Variants in KAT6A observed in about 807,000 individuals in gnomAD.
KAT6A encodes histone acetyltransferase KAT6A.
KAT6A carries 9 observed loss-of-function variants against 198.4 expected under a neutral mutation model. The ratio of observed to expected loss-of-function variants is 0.05; its 90% CI spans 0.03 to 0.08. The LOEUF (loss-of-function observed/expected upper bound fraction) is 0.08. KAT6A is among the 10% of genes least tolerant of loss of function. KAT6A has a pLI of 1.00. For missense variants in KAT6A, 2,077 were observed against 2,509.9 expected (o/e 0.83, Z 3.69); for synonymous variants, 890 against 883.0 (o/e 1.01, Z -0.14).
chr8:42,038,911 A>G (rs1205346079), intron 2 of KAT6A, among the ~76,000 whole-genome samples: 1 of 152,192 alleles, frequency 6.6e-6, no homozygotes, highest in Non-Finnish European at 1.5e-5. Context: ...CTCTATGCTT[A>G]ATTTCAACTC....
chr8:42,011,572 T>C (rs1354893387), intron 2 of KAT6A, among the ~76,000 whole-genome samples: 2 of 152,046 alleles, frequency 1.3e-5, no homozygotes, highest in Non-Finnish European at 2.9e-5. Context: ...ACCCCGTCTC[T>C]ACTAAAAACA....
At chr8:41,956,559 C>A (rs1326709385) in intron 8 of KAT6A, among the ~76,000 whole-genome samples, 1 of 152,170 alleles carries the variant, frequency 6.6e-6, no homozygotes, top group Non-Finnish European at 1.5e-5. Context: ...GAAGCCTCTT[C>A]ACCATAACTC....
chr8:42,027,241 T>G (rs942595525), intron 2 of KAT6A, among the ~76,000 whole-genome samples: 3 of 152,140 alleles, frequency 2.0e-5, no homozygotes, highest in Non-Finnish European at 2.9e-5. Context: ...GTAGTTTTCT[T>G]TTGTTGTTGT....
chr8:41,987,327 T>A (rs1587787567), intron 3 of KAT6A, 128 bp downstream of exon 3: 1 of 635,744 alleles, frequency 1.6e-6, no homozygotes, highest in Non-Finnish European at 2.8e-6. Flanking sequence ...TCAGAACTTA[T>A]CCCCCATAAT....
In KAT6A at chr8:41,933,483, C is replaced by A; in HGVS notation, c.4737G>T (p.Gly1579=). The stretch of plus-strand genomic sequence containing the variant: ...AGCAGCTGCTCTGGGAAGAGCTGTT[C>A]CCACAGATGCTGCCGCCCATCGTGG... ...YDSTMGGSIC[G]NSSSQSSCSY... The change falls in exon 17 of 17, where the codon GGG becomes GGT. Residue 1579 remains glycine, a synonymous_variant. Transcript: ENST00000265713. The surrounding 1 kb of genome is among the most constrained non-coding windows in gnomAD (Gnocchi z 6.2). The A allele has an allele frequency of 5.6e-6, 9 of 1,613,406 alleles. No homozygotes were observed. Among genetic ancestry groups the A allele is most frequent in the Non-Finnish European group, 7.6e-6 (9 of 1,179,564 alleles).
At chr8:42,025,848 GCTTT>G (rs1256735852) in intron 2 of KAT6A, among the ~76,000 whole-genome samples, 1 of 152,068 alleles carries the variant, frequency 6.6e-6, no homozygotes, top group African/African-American at 2.4e-5. Context: ...ATGTCCTTAA[GCTTT>G]CTTGTTTTCT....
At chr8:42,018,388 G>A (rs1826368881) in intron 2 of KAT6A, among the ~76,000 whole-genome samples, 1 of 152,142 alleles carries the variant, frequency 6.6e-6, no homozygotes, top group African/African-American at 2.4e-5. Flanking sequence ...GCACATGCCT[G>A]TTAATTCCAG....
chr8:42,022,825 T>C (rs922102657), intron 2 of KAT6A, among the ~76,000 whole-genome samples: 2 of 152,206 alleles, frequency 1.3e-5, no homozygotes, highest in African/African-American at 4.8e-5. Context: ...TATAAAAATG[T>C]ATAAATTATG....
At chr8:41,955,118 C>T (rs1822861192) in intron 9 of KAT6A, among the ~76,000 whole-genome samples, 178 bp downstream of exon 9, 1 of 152,100 alleles carries the variant, frequency 6.6e-6, no homozygotes, top group Admixed American at 6.5e-5. Context: ...CAGAAGAGAA[C>T]ATCTAAAGCA....
Position 41,955,280 on chromosome 8 carries a change from GT to G in KAT6A, c.1598+15del, listed in dbSNP as rs762958667. The G allele has an allele frequency of 2.1e-5, 30 of 1,439,608 alleles. No individual in the cohort carries two copies. Among genetic ancestry groups the G allele is most frequent in the Middle Eastern group, 3.5e-4 (2 of 5,726 alleles). 89.2% of individuals were successfully genotyped at this position (1,439,608 alleles called of 1,614,324 possible). ...TGGATCTCAAAACAGAAGGTCAAGG[GT>G]CTCTCAAAACATACCTTGAGTATTC... On this transcript the variant is annotated intron_variant, in intron 9 of 16. Coordinates refer to ENST00000265713, the MANE Select transcript of KAT6A (RefSeq NM_006766.5).
Position 41,932,889 on chromosome 8 carries a change from C to G in KAT6A, c.5331G>C (p.Val1777=). ...GAGAAACACTGGTTGCATAGGAAGT[C>G]ACAGCAGGAGAATGGCTATAAGGCA... The part of the protein sequence containing the change: ...HAMPYSHSPA[V]TSYATSVSLS... Residue 1777 remains valine, a synonymous_variant, in exon 17 of 17, where the codon GTG becomes GTC. Transcript: ENST00000265713. 1.2e-6 allele frequency: 2 copies of G among 1,614,092 alleles called. No homozygotes were observed. Among genetic ancestry groups the G allele is most frequent in the Non-Finnish European group, 1.7e-6 (2 of 1,180,020 alleles).
chr8:42,040,415 G>C (rs1488697527), intron 2 of KAT6A, among the ~76,000 whole-genome samples: 1 of 152,078 alleles, frequency 6.6e-6, no homozygotes, highest in East Asian at 1.9e-4. Flanking sequence ...TTATTCGCTA[G>C]AAAAATGTCT....
chr8:41,963,000 C>T (rs1823287545), intron 8 of KAT6A, among the ~76,000 whole-genome samples: 1 of 152,098 alleles, frequency 6.6e-6, no homozygotes, highest in Non-Finnish European at 1.5e-5. Context: ...ATACTGCATA[C>T]ATTAATCCTC....
chr8:42,025,920 T>A (rs1826793085), intron 2 of KAT6A, among the ~76,000 whole-genome samples: 1 of 152,214 alleles, frequency 6.6e-6, no homozygotes, highest in Admixed American at 6.5e-5. Context: ...ACCTTACATT[T>A]AAGTCTTTAA....
chr8:41,932,712 G>A lies in KAT6A; in HGVS notation c.5508C>T (p.Asn1836=), dbSNP rs1169307518. ...ATCTCTGCGTGTGAGGAATGCCAAT[G>A]TTGGTGGCAGACATGTTGCACTGAA... ...PLLQCNMSAT[N]IGIPHTQRLQ... The change falls in exon 17 of 17, where the codon AAC becomes AAT. Residue 1836 remains asparagine (N), a synonymous_variant. Transcript: ENST00000265713. The A allele has an allele frequency of 6.2e-7, 1 of 1,614,248 alleles. No homozygotes were observed.
chr8:42,022,955 T>C (rs1041122860), intron 2 of KAT6A, among the ~76,000 whole-genome samples: 4 of 152,202 alleles, frequency 2.6e-5, no homozygotes. Context: ...CATTAGACAA[T>C]TTCATCATTG....
rs1182725625 is a variant in KAT6A at position 41,932,296 on chromosome 8, T to C, written c.5924A>G (p.Asn1975Ser). 8 of 1,614,198 alleles carry C rather than the reference T, an allele frequency of 5.0e-6. No homozygotes were observed. The highest frequency in any genetic ancestry group is 6.8e-6 in the Non-Finnish European group (8 of 1,180,030). Residue 1975 changes from asparagine (N) to serine (S), a missense_variant, in exon 17 of 17, where the codon AAC (asparagine) becomes AGC (serine). Physicochemically the swap from Asn to Ser is conservative, Grantham distance 46. Transcript: ENST00000265713. ...ATGGGAGGGGCCTGTGTACATCATG[T>C]TCCCATGAGGGTTAGGCTGCATAGG... ...QQPMQPNPHG[N>S]MMYTGPSHHS... is the part of the protein sequence containing the mutation.
Position 41,937,328 on chromosome 8 carries a change from G to C in KAT6A, c.3280C>G (p.Leu1094Val), listed in dbSNP as rs756755907. Residue 1094 changes from leucine to valine, a missense_variant, in exon 16 of 17, where the codon CTC (leucine) becomes GTC (valine). Physicochemically the swap from Leu to Val is conservative, Grantham distance 32. Around this residue, in one of 13 missense-constraint regions of KAT6A, gnomAD observed 375 missense variants for 383.0 expected, o/e 0.98. Transcript: ENST00000265713. Reference sequence around the variant, plus strand: ...CTCTTAGAAGAGGACTGACACCTGAGTACATCCTGCGAAGACAAACGACGG... The same window carrying C: ...CTCTTAGAAGAGGACTGACACCTGACTACATCCTGCGAAGACAAACGACGG... ...YFRRLSSQDV[L>V]RCQSSSKRKS... The C allele has an allele frequency of 1.1e-5, 17 of 1,614,008 alleles. No homozygotes were observed. The highest frequency in any genetic ancestry group is 1.7e-5 in the Admixed American group (1 of 60,018).
At position 41,941,049 on chromosome 8, in the gene KAT6A, A is replaced by G; in HGVS notation, c.2832T>C (p.Val944=). The part of the protein sequence containing the change: ...DLPKRRLSEG[V]EPWRGQLKKS... ...TCTTGAGCTGTCCTCGCCAGGGCTC[A>G]ACCCCCTCACTGAGTCTTCTCTTGG... The change falls in exon 15 of 17, where the codon GTT becomes GTC. Residue 944 remains valine (V), a synonymous_variant. Coordinates refer to ENST00000265713, the MANE Select transcript of KAT6A (RefSeq NM_006766.5). 2 of 1,614,114 alleles carry G rather than the reference A, an allele frequency of 1.2e-6. No individual in the cohort carries two copies. Among genetic ancestry groups the G allele is most frequent in the South Asian group, 1.1e-5 (1 of 91,074 alleles).
Sources: allele counts gnomAD v4.1 joint callset (sites outside exome capture counted in the v4.1 genomes callset), GRCh38; gene constraint gnomAD v4.1.1; regional missense constraint gnomAD v4.1.1; non-coding constraint Gnocchi (gnomAD v3.1); transcripts MANE v1.5; gene names NCBI Gene and HGNC (gene_info 2026-07-23, HGNC 2026-07-21).